Variants in SPHKAP observed in about 807,000 individuals in gnomAD.
SPHKAP encodes SPHK1 interactor, AKAP domain containing.
SPHKAP carries 67 observed loss-of-function variants against 137.5 expected under a neutral mutation model. That is an observed-to-expected ratio of 0.49 (90% CI 0.40 to 0.60). The LOEUF is 0.60. Ranked by LOEUF, SPHKAP falls within the 20% of genes least tolerant of loss-of-function variation. SPHKAP has a pLI of 0.00. For synonymous variants in SPHKAP, 813 were observed against 785.3 expected (o/e 1.04, Z -0.59); for missense variants, 2,097 against 2,069.3 (o/e 1.01, Z -0.26).
intron 1 of SPHKAP, among the ~76,000 whole-genome samples, chr2:228,147,637 T>C (rs916731306): frequency 1.3e-5 from 2 of 152,210 alleles, no homozygotes; most frequent in Non-Finnish European, 1.5e-5. Context: ...CTAATCTCCC[T>C]GAGCTTCAGG....
intron 3 of SPHKAP, among the ~76,000 whole-genome samples, chr2:228,066,470 C>G (rs1283059033): frequency 6.6e-6 from 1 of 152,162 alleles, no homozygotes; most frequent in African/African-American, 2.4e-5. Flanking sequence ...TAATTTGTGC[C>G]TATTTGAAGT....
At chr2:228,036,635 A>G (rs1045690447) in intron 3 of SPHKAP, among the ~76,000 whole-genome samples, 9 of 152,130 alleles carry the variant, frequency 5.9e-5, no homozygotes, top group African/African-American at 1.9e-4. Context: ...AACCAACCCA[A>G]ATGTCCAACA....
chr2:228,124,799 T>C (rs181081783), intron 2 of SPHKAP, among the ~76,000 whole-genome samples: 2 of 152,326 alleles, frequency 1.3e-5, no homozygotes, highest in Admixed American at 1.3e-4. Flanking sequence ...TGCCTGTGCC[T>C]GAACACATTA....
chr2:228,144,038 T>C (rs1160377610), intron 1 of SPHKAP, among the ~76,000 whole-genome samples: 1 of 152,150 alleles, frequency 6.6e-6, no homozygotes, highest in Non-Finnish European at 1.5e-5. Flanking sequence ...TCCCTAACTG[T>C]TGCCTCTGCT....
chr2:227,984,299 C>CAAAAAA (rs61461358), intron 11 of SPHKAP, among the ~76,000 whole-genome samples: 1 of 52,816 alleles, frequency 1.9e-5, no homozygotes, highest in Non-Finnish European at 4.0e-5. Context: ...GACTCCATCT[C>CAAAAAA]AAAAAAAAAA....
Position 228,131,990 on chromosome 2 carries a change from G to T in SPHKAP, c.128C>A (p.Ala43Asp). The change falls in exon 2 of 12, where the codon GCC becomes GAC. Residue 43 changes from alanine (A) to aspartate (D), a missense_variant. Transcript: ENST00000392056. ...SGSGPGNSIT[A>D]CKKVLRSNSL... ...GTAAGGCAAGGTTACCTTCTTACAG[G>T]CTGTGATGGAGTTCCCCGGGCCGCT... The T allele has an allele frequency of 1.2e-6, 2 of 1,613,892 alleles. No individual in the cohort carries two copies. The highest frequency in any genetic ancestry group is 1.7e-6 in the Non-Finnish European group (2 of 1,179,878).
In SPHKAP at chr2:228,019,385, C is replaced by T. The variant is rs1694746773; in HGVS notation, c.1469G>A (p.Arg490Lys). 2 of 1,614,176 alleles carry T rather than the reference C, an allele frequency of 1.2e-6. No individual in the cohort carries two copies. Among genetic ancestry groups the T allele is most frequent in the East Asian group, 4.5e-5 (2 of 44,870 alleles). ...SSILSGENSS[R>K]QPQSALEVAL... Reference sequence around the variant, plus strand: ...CACTTCTAGAGCACTCTGGGGTTGTCTGCTGGAGTTCTCTCCAGAGAGGAT... The same window carrying T: ...CACTTCTAGAGCACTCTGGGGTTGTTTGCTGGAGTTCTCTCCAGAGAGGAT... The change falls in exon 7 of 12, where the codon AGA (arginine) becomes AAA (lysine). Residue 490 changes from arginine to lysine, a missense_variant. Arg to Lys is a conservative substitution (Grantham distance 26, BLOSUM62 2). Coordinates refer to ENST00000392056, the MANE Select transcript of SPHKAP (RefSeq NM_001142644.2).
intron 7 of SPHKAP, among the ~76,000 whole-genome samples, chr2:228,008,636 T>A (rs1694235438): frequency 6.6e-6 from 1 of 152,110 alleles, no homozygotes; most frequent in Admixed American, 6.6e-5. Flanking sequence ...TTTAGGTCTG[T>A]GATCCATTCG....
At chr2:228,051,563 C>T (rs939766444) in intron 3 of SPHKAP, among the ~76,000 whole-genome samples, 6 of 152,136 alleles carry the variant, frequency 3.9e-5, no homozygotes, top group Admixed American at 6.6e-5. Flanking sequence ...GATCCAGAAA[C>T]GCCTGCCTAG....
chr2:228,156,088 C>T lies in SPHKAP; in HGVS notation c.33-24003G>A, dbSNP rs567649903. Among the ~76,000 whole-genome samples, 309 of 152,284 alleles carry T rather than the reference C, an allele frequency of 2.0e-3. 1 individual carries two copies. Among genetic ancestry groups the T allele is most frequent in the Non-Finnish European group, 4.0e-3 (275 of 68,014 alleles). Reference sequence around the variant, plus strand: ...ATGTGCCCACTAAGAGAAAAAGACTCTTATTTTTCCCTCAAGACCTACTTT... The same window carrying T: ...ATGTGCCCACTAAGAGAAAAAGACTTTTATTTTTCCCTCAAGACCTACTTT... On this transcript the variant is annotated intron_variant, in intron 1 of 11. Transcript: ENST00000392056.
chr2:228,032,623 G>A (rs576484601), intron 3 of SPHKAP, among the ~76,000 whole-genome samples: 54 of 152,308 alleles, frequency 3.5e-4, no homozygotes, highest in Non-Finnish European at 6.2e-4. Context: ...AGGGCAGCCA[G>A]AGAGAAAGGT....
chr2:228,059,158 C>G (rs1696549596), intron 3 of SPHKAP, among the ~76,000 whole-genome samples: 1 of 152,206 alleles, frequency 6.6e-6, no homozygotes, highest in Non-Finnish European at 1.5e-5. Flanking sequence ...ATTCTACTGT[C>G]TGGATGCACC....
chr2:228,001,444 T>C (rs1186387141), intron 7 of SPHKAP, among the ~76,000 whole-genome samples: 35 of 142,000 alleles, frequency 2.5e-4, no homozygotes, highest in African/African-American at 6.9e-4. Context: ...AATATATATA[T>C]GTATATATAC....
intron 1 of SPHKAP, among the ~76,000 whole-genome samples, chr2:228,147,206 G>C (rs1389477685): frequency 6.6e-6 from 1 of 152,126 alleles, no homozygotes; most frequent in African/African-American, 2.4e-5. Flanking sequence ...AAAAGATCTT[G>C]TGATTTATCT....
intron 3 of SPHKAP, among the ~76,000 whole-genome samples, chr2:228,039,817 C>T (rs1226727181): frequency 6.6e-6 from 1 of 152,130 alleles, no homozygotes; most frequent in Admixed American, 6.5e-5. Flanking sequence ...CTGATGATGA[C>T]AATTGTTGGG....
intron 1 of SPHKAP, among the ~76,000 whole-genome samples, chr2:228,162,947 G>C (rs548501647): frequency 1.3e-5 from 2 of 152,086 alleles, no homozygotes; most frequent in Non-Finnish European, 2.9e-5. Flanking sequence ...GATCCATCCA[G>C]CTCGGCCTCC....
At chr2:228,178,461 G>T (rs761985250) in intron 1 of SPHKAP, among the ~76,000 whole-genome samples, 1 of 152,056 alleles carries the variant, frequency 6.6e-6, no homozygotes, top group Non-Finnish European at 1.5e-5. Context: ...AAGTGAGACT[G>T]ACTTTTTTTC....
At chr2:228,081,030 C>A (rs1329312223) in intron 3 of SPHKAP, among the ~76,000 whole-genome samples, 1 of 152,116 alleles carries the variant, frequency 6.6e-6, no homozygotes, top group African/African-American at 2.4e-5. Flanking sequence ...AAACTCAGAA[C>A]CCTATTTCAC....
intron 2 of SPHKAP, among the ~76,000 whole-genome samples, chr2:228,120,745 C>A (rs995267079): frequency 4.6e-5 from 7 of 152,184 alleles, no homozygotes; most frequent in African/African-American, 1.4e-4. Flanking sequence ...CAGATGTCAG[C>A]TGGCTGAAGA....
Sources: allele counts gnomAD v4.1 joint callset (sites outside exome capture counted in the v4.1 genomes callset), GRCh38; gene constraint gnomAD v4.1.1; transcripts MANE v1.5; gene names NCBI Gene and HGNC (gene_info 2026-07-23, HGNC 2026-07-21).